KCNIP4: variants seen among roughly 807,000 people sequenced by gnomAD.
The protein encoded by KCNIP4 is potassium voltage-gated channel interacting protein 4.
A neutral mutation model predicts 34.0 loss-of-function variants in KCNIP4; 12 were observed. The ratio of observed to expected loss-of-function variants is 0.35; its 90% CI spans 0.23 to 0.57. The LOEUF (loss-of-function observed/expected upper bound fraction) is 0.57. KCNIP4 is among the 20% of genes least tolerant of loss of function. The probability of loss-of-function intolerance (pLI) is 0.83; values close to 1 mark genes in which losing one functional copy is unlikely to be tolerated. For missense variants in KCNIP4, 238 were observed against 311.7 expected, an observed-to-expected ratio of 0.76 and a Z score of 1.78; for synonymous variants, 124 against 102.2, an observed-to-expected ratio of 1.21 and a Z score of -1.29.
intron 1 of KCNIP4, among the ~76,000 whole-genome samples, chr4:21,499,330 C>CAAAAAAAAAAAAAAAAAAA (rs527385773): frequency 9.2e-5 from 9 of 98,226 alleles, no homozygotes; most frequent in African/African-American, 3.6e-4. Flanking sequence ...GACTCCATCT[C>CAAAAAAAAAAAAAAAAAAA]AAAAAAAAAA....
At chr4:21,816,231 T>C (rs1721980152) in intron 1 of KCNIP4, among the ~76,000 whole-genome samples, 1 of 152,202 alleles carries the variant, frequency 6.6e-6, no homozygotes, top group African/African-American at 2.4e-5. Flanking sequence ...ATAGTGTTCA[T>C]AATGCTGTTA....
At chr4:21,931,657 T>G (rs1018643050) in intron 1 of KCNIP4, among the ~76,000 whole-genome samples, 2 of 152,210 alleles carry the variant, frequency 1.3e-5, no homozygotes, top group African/African-American at 4.8e-5. Flanking sequence ...ATGTGACACA[T>G]TTTCCTAATT....
chr4:21,880,726 T>G (rs147285018), intron 1 of KCNIP4, among the ~76,000 whole-genome samples: 18 of 152,340 alleles, frequency 1.2e-4, no homozygotes, highest in Admixed American at 2.0e-4. Flanking sequence ...ATAATTATTC[T>G]GGTGGATAGC....
chr4:21,457,335 T>C (rs1729039017), intron 1 of KCNIP4, among the ~76,000 whole-genome samples: 1 of 152,042 alleles, frequency 6.6e-6, no homozygotes. Context: ...TTTACCTTCC[T>C]GCCAGGTTTA....
chr4:20,893,791 T>C lies in KCNIP4; in HGVS notation c.62-11082A>G, dbSNP rs148082454. Among the ~76,000 whole-genome samples, 363 of 152,220 alleles carry C rather than the reference T, an allele frequency of 2.4e-3. 4 individuals are homozygous for C. Among genetic ancestry groups the C allele is most frequent in the Middle Eastern group, 0.01 (3 of 294 alleles). ...AAAGCAAAAAGGAATTTATCAAAAA[T>C]GACAGCAGTATCTTTTTGGATATAA... On this transcript the variant is annotated intron_variant, in intron 1 of 8. Transcript: ENST00000382152.
intron 2 of KCNIP4, among the ~76,000 whole-genome samples, chr4:20,855,433 A>G (rs1215392260): frequency 6.6e-6 from 1 of 152,118 alleles, no homozygotes; most frequent in Non-Finnish European, 1.5e-5. Flanking sequence ...CTCATCCCAG[A>G]GCCACTAGGA....
chr4:21,696,691 C>T (rs1466550124), intron 1 of KCNIP4, among the ~76,000 whole-genome samples: 1 of 152,092 alleles, frequency 6.6e-6, no homozygotes, highest in Non-Finnish European at 1.5e-5. Context: ...AATTTTGGAA[C>T]ATATTAAAAA....
intron 3 of KCNIP4, among the ~76,000 whole-genome samples, chr4:20,806,542 G>A (rs184540144): frequency 1.3e-5 from 2 of 150,602 alleles, no homozygotes; most frequent in East Asian, 3.9e-4. Flanking sequence ...TTATTATATA[G>A]ATCCTGTTCT....
At position 21,834,266 on chromosome 4, in the gene KCNIP4, C is replaced by A. The variant is rs1310008192; in HGVS notation, c.61+114305G>T. On this transcript the variant is annotated intron_variant, in intron 1 of 8. Coordinates refer to ENST00000382152, the MANE Select transcript of KCNIP4 (RefSeq NM_025221.6). ...ATTTGTTTGTATCCTCTTTTATTTCCTTGAGCAGTCGTCTGTAGTTCTCCT... is the reference window on the plus strand; with the variant it reads ...ATTTGTTTGTATCCTCTTTTATTTCATTGAGCAGTCGTCTGTAGTTCTCCT... Among the ~76,000 whole-genome samples, 29 of 152,238 alleles carry A rather than the reference C, an allele frequency of 1.9e-4. 1 individual carries two copies. Among genetic ancestry groups the A allele is most frequent in the Admixed American group, 4.6e-4 (7 of 15,294 alleles).
chr4:21,898,945 C>T (rs6839795), intron 1 of KCNIP4, among the ~76,000 whole-genome samples: 3 of 152,038 alleles, frequency 2.0e-5, no homozygotes, highest in African/African-American at 7.2e-5. Flanking sequence ...CTGATAGAAC[C>T]CCACCATGAG....
intron 1 of KCNIP4, chr4:21,697,364 CCTGTTAATAGT>C: frequency 6.6e-7 from 1 of 1,503,990 alleles, no homozygotes; most frequent in Non-Finnish European, 8.8e-7. Flanking sequence ...ATGAAGAGAA[CCTGTTAATAGT>C]CTGAGAAGGT....
At chr4:21,123,282 G>A (rs887507019) in intron 1 of KCNIP4, among the ~76,000 whole-genome samples, 10 of 151,934 alleles carry the variant, frequency 6.6e-5, no homozygotes, top group Admixed American at 1.3e-4. Flanking sequence ...TATATTTATT[G>A]AATGCCTGTA....
chr4:21,741,086 A>G (rs1354585708), intron 1 of KCNIP4, among the ~76,000 whole-genome samples: 1 of 152,166 alleles, frequency 6.6e-6, no homozygotes, highest in Non-Finnish European at 1.5e-5. Flanking sequence ...AGCAGATTAA[A>G]AGGTGACTGG....
intron 2 of KCNIP4, among the ~76,000 whole-genome samples, chr4:20,857,438 T>C (rs1003297467): frequency 6.6e-6 from 1 of 152,184 alleles, no homozygotes; most frequent in Non-Finnish European, 1.5e-5. Flanking sequence ...GGCATAATCC[T>C]AATCCTCACA....
intron 1 of KCNIP4, among the ~76,000 whole-genome samples, chr4:21,634,595 G>T (rs1345819936): frequency 6.6e-6 from 1 of 152,064 alleles, no homozygotes; most frequent in East Asian, 1.9e-4. Flanking sequence ...AATTTGCAAA[G>T]TTATGACACA....
intron 2 of KCNIP4, 46 bp from the exon 3 acceptor site, chr4:20,850,713 C>T: frequency 6.3e-6 from 10 of 1,597,498 alleles, no homozygotes; most frequent in Non-Finnish European, 8.5e-6. Context: ...CCACTGCTCA[C>T]CGATGCTTAC....
intron 1 of KCNIP4, among the ~76,000 whole-genome samples, chr4:21,354,215 C>T (rs890905784): frequency 5.3e-5 from 8 of 152,220 alleles, no homozygotes; most frequent in Non-Finnish European, 7.4e-5. Flanking sequence ...TAAAGACCAT[C>T]GATGCTATGA....
intron 1 of KCNIP4, among the ~76,000 whole-genome samples, chr4:21,478,689 A>G (rs1731187089): frequency 6.6e-6 from 1 of 152,186 alleles, no homozygotes; most frequent in Non-Finnish European, 1.5e-5. Flanking sequence ...GGAAAGTCCA[A>G]GAGAAAGCAA....
chr4:21,158,311 C>T (rs549168150), intron 1 of KCNIP4, among the ~76,000 whole-genome samples: 3 of 151,998 alleles, frequency 2.0e-5, no homozygotes, highest in African/African-American at 7.2e-5. Context: ...TATGAGCCAG[C>T]ATTACCCCAG....
Sources: gnomAD v4.1 joint callset for allele counts (sites outside exome capture counted in the v4.1 genomes callset) on GRCh38, gnomAD v4.1.1 for gene constraint, MANE v1.5 for transcripts, NCBI Gene and HGNC (gene_info 2026-07-23, HGNC 2026-07-21) for gene names.